The following STK10 variants were observed in gnomAD, a reference collection of about 807,000 sequenced individuals.
STK10 encodes serine/threonine-protein kinase 10.
In STK10, 78 loss-of-function variants were observed where a neutral mutation model predicts 113.8. That is an observed-to-expected ratio of 0.69 (90% CI 0.57 to 0.83). STK10 has a LOEUF of 0.83. Ranked by LOEUF, STK10 falls within the 40% of genes least tolerant of loss-of-function variation. The pLI is 0.00. For synonymous variants in STK10, 465 were observed against 494.7 expected, an observed-to-expected ratio of 0.94 and a Z score of 0.80; for missense variants, 1,109 against 1,280.1, an observed-to-expected ratio of 0.87 and a Z score of 2.04.
chr5:172,152,612 T>C (rs1001156096), intron 2 of STK10, among the ~76,000 whole-genome samples: 8 of 152,230 alleles, frequency 5.3e-5, no homozygotes, highest in African/African-American at 1.7e-4. Flanking sequence ...GAGACCTAAA[T>C]GTATTATTCC....
rs560363148 is a variant in STK10 at position 172,071,893 on chromosome 5, T to A, written c.1990-7081A>T. Among the ~76,000 whole-genome samples the A allele has an allele frequency of 2.6e-5, 4 of 152,288 alleles. No homozygotes were observed. In the East Asian group the frequency reaches 7.7e-4, roughly 29 times the overall value. On this transcript the variant is annotated intron_variant, in intron 12 of 18. Transcript: ENST00000176763. ...CTGTGTGTCTCATGTTTAAATTCTT[T>A]AAAGCCAAGAAGACAAGAACCGAGG... is the stretch of plus-strand genomic sequence containing the variant.
intron 18 of STK10, among the ~76,000 whole-genome samples, chr5:172,052,487 C>T (rs570312383): frequency 3.6e-4 from 55 of 152,292 alleles, no homozygotes; most frequent in Admixed American, 1.0e-3. Flanking sequence ...AGAGAGTAAA[C>T]GGGCGTTGGT....
intron 18 of STK10, among the ~76,000 whole-genome samples, chr5:172,052,474 AGG>A (rs1767648862): frequency 6.6e-6 from 1 of 152,218 alleles, no homozygotes; most frequent in South Asian, 2.1e-4. Context: ...CTCCATCACT[AGG>A]AGAGAGTAAA....
chr5:172,104,842 A>C (rs1325313980), intron 7 of STK10, among the ~76,000 whole-genome samples: 1 of 152,154 alleles, frequency 6.6e-6, no homozygotes, highest in African/African-American at 2.4e-5. Flanking sequence ...GGTCTGTGCC[A>C]GGCAGGGGGT....
chr5:172,051,713 G>T (rs765844719), intron 18 of STK10, among the ~76,000 whole-genome samples: 1 of 152,122 alleles, frequency 6.6e-6, no homozygotes, highest in African/African-American at 2.4e-5. Context: ...CCAGCAGAAG[G>T]TGGGCCTAGG....
intron 12 of STK10, among the ~76,000 whole-genome samples, chr5:172,067,764 T>C (rs1302167420): frequency 1.3e-5 from 2 of 152,028 alleles, no homozygotes; most frequent in Non-Finnish European, 2.9e-5. Context: ...ATAAAGATTA[T>C]ATAATATGAA....
chr5:172,136,385 C>T (rs1030853405), intron 2 of STK10, among the ~76,000 whole-genome samples: 19 of 152,180 alleles, frequency 1.2e-4, no homozygotes, highest in African/African-American at 4.3e-4. Context: ...CACGTGAGGT[C>T]AGGAGTTCGA....
At chr5:172,068,556 T>C (rs994464843) in intron 12 of STK10, among the ~76,000 whole-genome samples, 2 of 152,204 alleles carry the variant, frequency 1.3e-5, no homozygotes, top group African/African-American at 4.8e-5. Context: ...AATATCTGGA[T>C]AAACATAATC....
At chr5:172,140,346 A>G (rs1245395900) in intron 2 of STK10, among the ~76,000 whole-genome samples, 1 of 152,208 alleles carries the variant, frequency 6.6e-6, no homozygotes, top group Admixed American at 6.5e-5. Flanking sequence ...GTTGGTGGGT[A>G]TACAAAACGG....
At chr5:172,114,308 GTGTGTGTA>G (rs1414735621) in intron 4 of STK10, among the ~76,000 whole-genome samples, 1,984 of 145,406 alleles carry the variant, frequency 0.014, 49 homozygotes, top group African/African-American at 0.053. Context: ...GTGTGTGTGT[GTGTGTGTA>G]TGTGTGTTTT....
At chr5:172,053,658 T>C (rs1767681628) in intron 17 of STK10, among the ~76,000 whole-genome samples, 2 of 152,224 alleles carry the variant, frequency 1.3e-5, no homozygotes, top group South Asian at 4.1e-4. Context: ...AGTCTTGTCA[T>C]GAGGAGCTTA....
chr5:172,071,212 C>CAAAAAAAAA (rs369407918), intron 12 of STK10, among the ~76,000 whole-genome samples: 13 of 26,594 alleles, frequency 4.9e-4, no homozygotes, highest in African/African-American at 7.3e-4. Context: ...CTCTCTATCT[C>CAAAAAAAAA]AAAAAAAAAA....
chr5:172,136,170 C>T (rs1769854208), intron 2 of STK10, among the ~76,000 whole-genome samples: 1 of 152,130 alleles, frequency 6.6e-6, no homozygotes, highest in African/African-American at 2.4e-5. Flanking sequence ...CTATGAACAA[C>T]TGTATGACAA....
At chr5:172,128,715 C>T (rs1769682609) in intron 2 of STK10, among the ~76,000 whole-genome samples, 1 of 152,252 alleles carries the variant, frequency 6.6e-6, no homozygotes, top group Non-Finnish European at 1.5e-5. Context: ...CACCTCTTAG[C>T]TTCCAGCTCC....
intron 1 of STK10, among the ~76,000 whole-genome samples, chr5:172,183,682 C>T (rs929226312): frequency 6.6e-6 from 1 of 152,064 alleles, no homozygotes; most frequent in South Asian, 2.1e-4. Context: ...GTCTTGAACT[C>T]CTGACGTCAA....
rs1033702757 is a variant in STK10, at chr5:172,147,764, C to T, written c.321+8860G>A. Among the ~76,000 whole-genome samples the T allele has an allele frequency of 1.2e-4, 18 of 152,236 alleles. 1 individual carries two copies. Among genetic ancestry groups the T allele is most frequent in the Middle Eastern group, 3.4e-3 (1 of 294 alleles). On this transcript the variant is annotated intron_variant, in intron 2 of 18. Transcript: ENST00000176763. ...CCTCTGGAATCGGTCTCTTGACCCA[C>T]AATCAGATTAGAGTCCTGCCTTAGG...
intron 12 of STK10, among the ~76,000 whole-genome samples, chr5:172,080,119 T>C (rs1768398851): frequency 1.3e-5 from 2 of 152,194 alleles, no homozygotes; most frequent in South Asian, 2.1e-4. Context: ...ATCTCTATTA[T>C]GACGATCTGT....
intron 2 of STK10, among the ~76,000 whole-genome samples, chr5:172,131,117 T>C (rs1162562712): frequency 7.0e-6 from 1 of 143,620 alleles, no homozygotes; most frequent in Non-Finnish European, 1.5e-5. Flanking sequence ...CACTGCAAGC[T>C]CCGCCTCCCA....
At chr5:172,156,931 ATAGCCACACATCATGTC>A in intron 1 of STK10, 143 bp from the exon 2 acceptor site, 1 of 873,036 alleles carries the variant, frequency 1.1e-6, no homozygotes, top group Non-Finnish European at 1.7e-6. Context: ...GTTCTTAACA[ATAGCCACACATCATGTC>A]TGTACTTAAG....
Sources: gnomAD v4.1 joint callset for allele counts (sites outside exome capture counted in the v4.1 genomes callset) on GRCh38, gnomAD v4.1.1 for gene constraint, MANE v1.5 for transcripts, NCBI Gene and HGNC (gene_info 2026-07-23, HGNC 2026-07-21) for gene names.